Variants in PKHD1L1 observed in about 807,000 individuals in gnomAD.
PKHD1L1 encodes the protein PKHD1 like 1.
In PKHD1L1, 434 loss-of-function variants were observed where a neutral mutation model predicts 462.9. That is an observed-to-expected ratio of 0.94 (90% CI 0.87 to 1.02). The LOEUF is 1.02. PKHD1L1 is among the 50% of genes least tolerant of loss of function. The pLI is 0.00. For synonymous variants in PKHD1L1, 1,781 were observed against 1,750.0 expected, an observed-to-expected ratio of 1.02 and a Z score of -0.44; for missense variants, 5,202 against 5,096.1, an observed-to-expected ratio of 1.02 and a Z score of -0.63.
In PKHD1L1 at chr8:109,438,431, T is replaced by C; in HGVS notation, c.3735T>C (p.Phe1245=). 1 of 1,541,432 alleles carries C rather than the reference T, an allele frequency of 6.5e-7. No homozygotes were observed. Among genetic ancestry groups the C allele is most frequent in the Non-Finnish European group, 8.8e-7 (1 of 1,141,460 alleles). ...NCLQTPIITD[F]SPKVRTILGE... ...TACAGACACCAATTATAACTGATTT[T>C]AGTCCAAAAGTACGAACAATACTAG... The change falls in exon 31 of 78, where the codon TTT becomes TTC. Residue 1245 remains phenylalanine, a synonymous_variant. Transcript: ENST00000378402.
rs1220855768 is a variant in PKHD1L1 at position 109,515,232 on chromosome 8, A to G, written c.11616A>G (p.Leu3872=). ...GTTTGGATGTCTATGTGAACAACTT[A>G]TTGGTCTGTCCAAAAACTACAATAT... ...LQRLDVYVNN[L]LVCPKTTIWN... Residue 3872 remains leucine (L), a synonymous_variant, in exon 72 of 78, where the codon TTA becomes TTG. Coordinates refer to ENST00000378402, the MANE Select transcript of PKHD1L1 (RefSeq NM_177531.6). 8 of 1,603,984 alleles carry G rather than the reference A, an allele frequency of 5.0e-6. No homozygotes were observed. The highest frequency in any genetic ancestry group is 2.7e-5 in the African/African-American group (2 of 74,650).
chr8:109,376,680 G>C (rs928627324), intron 2 of PKHD1L1, among the ~76,000 whole-genome samples: 40 of 152,176 alleles, frequency 2.6e-4, no homozygotes, highest in Admixed American at 6.5e-5. Context: ...CAAATAATAA[G>C]AGCAGGTGTC....
intron 23 of PKHD1L1, among the ~76,000 whole-genome samples, chr8:109,421,453 A>C (rs1455730190): frequency 6.6e-6 from 1 of 152,096 alleles, no homozygotes; most frequent in Non-Finnish European, 1.5e-5. Context: ...CATCTTACAA[A>C]TGCTTTTCAG....
chr8:109,461,900 T>C lies in PKHD1L1; in HGVS notation c.7375T>C (p.Tyr2459His), dbSNP rs754519035. ...TAACATGGTAACTGGGAGAATAGAATATGTAGAGGTGAGAGGCATTATTAC... is the reference window on the plus strand; with the variant it reads ...TAACATGGTAACTGGGAGAATAGAACATGTAGAGGTGAGAGGCATTATTAC... Reference protein sequence around the residue: ...GANMVTGRIEYVEVFHAGQAF... With the variant: ...GANMVTGRIEHVEVFHAGQAF... Residue 2459 changes from tyrosine to histidine, a missense_variant, in exon 48 of 78, where the codon TAT (tyrosine) becomes CAT (histidine). This residue lies in a region of PKHD1L1 where 4,497 missense variants were observed against 4,336.8 expected (regional missense o/e 1.04). Coordinates refer to ENST00000378402, the MANE Select transcript of PKHD1L1 (RefSeq NM_177531.6). The C allele has an allele frequency of 6.3e-7, 1 of 1,599,294 alleles. No homozygotes were observed. The highest frequency in any genetic ancestry group is 1.1e-5 in the South Asian group (1 of 88,230).
chr8:109,504,140 G>A (rs1819573064), intron 67 of PKHD1L1, among the ~76,000 whole-genome samples, 187 bp from the exon 68 acceptor site: 1 of 152,202 alleles, frequency 6.6e-6, no homozygotes, highest in African/African-American at 2.4e-5. Flanking sequence ...TCATTACCCA[G>A]TGATATGGAT....
intron 63 of PKHD1L1, among the ~76,000 whole-genome samples, chr8:109,494,734 A>G (rs1275737782): frequency 6.6e-6 from 1 of 152,006 alleles, no homozygotes; most frequent in African/African-American, 2.4e-5. Flanking sequence ...ACATAAGGAA[A>G]GTATAAAAAT....
rs140815423 is a variant in PKHD1L1 at position 109,376,921 on chromosome 8, T to A, written c.164-4449T>A. On this transcript the variant is annotated intron_variant, in intron 2 of 77. Transcript: ENST00000378402. ...GGTCCAAAGCCTGGGCCTTTTCAAT[T>A]AAACATCACTGGCACCTGCCACGTA... Among the ~76,000 whole-genome samples the A allele has an allele frequency of 6.4e-3, 967 of 152,274 alleles. 7 individuals carry two copies. The highest frequency in any genetic ancestry group is 0.051 in the Middle Eastern group (15 of 294).
At chr8:109,439,747 T>C (rs1039234428) in intron 32 of PKHD1L1, among the ~76,000 whole-genome samples, 47 of 152,196 alleles carry the variant, frequency 3.1e-4, no homozygotes, top group African/African-American at 1.1e-3. Context: ...AAATGTTAGT[T>C]CTAGTATGAG....
At chr8:109,380,257 T>C (rs1292757834) in intron 2 of PKHD1L1, among the ~76,000 whole-genome samples, 1 of 152,178 alleles carries the variant, frequency 6.6e-6, no homozygotes, top group African/African-American at 2.4e-5. Flanking sequence ...AGCTCTCAGC[T>C]GGCTACCACC....
intron 71 of PKHD1L1, among the ~76,000 whole-genome samples, chr8:109,514,346 C>T (rs529207685): frequency 6.6e-6 from 1 of 152,260 alleles, no homozygotes; most frequent in Non-Finnish European, 1.5e-5. Context: ...TAACATGTTT[C>T]CTACTTTACC....
chr8:109,469,538 G>T (rs57608746), intron 50 of PKHD1L1, among the ~76,000 whole-genome samples: 5,870 of 152,210 alleles, frequency 0.039, 239 homozygotes, highest in African/African-American at 0.1. Flanking sequence ...AAGGAGCAGG[G>T]TAGAGAAGGG....
chr8:109,496,985 T>A lies in PKHD1L1; in HGVS notation c.10394T>A (p.Met3465Lys), dbSNP rs757528550. The A allele has an allele frequency of 6.2e-7, 1 of 1,613,440 alleles. No homozygotes were observed. The highest frequency in any genetic ancestry group is 1.7e-5 in the Admixed American group (1 of 60,022). The change falls in exon 64 of 78, where the codon ATG (methionine) becomes AAG (lysine). Residue 3465 changes from methionine to lysine, a missense_variant. By Grantham distance (95) the Met-to-Lys change is moderately conservative. Around this residue, in one of 3 missense-constraint regions of PKHD1L1, gnomAD observed 4,497 missense variants for 4,336.8 expected, o/e 1.04. Coordinates refer to ENST00000378402, the MANE Select transcript of PKHD1L1 (RefSeq NM_177531.6). Reference sequence around the variant, plus strand: ...CATGGAGGTTTATATGGGATCTATATGAACCAAGATGGCCTTCCTGGATGT... The same window carrying A: ...CATGGAGGTTTATATGGGATCTATAAGAACCAAGATGGCCTTCCTGGATGT... ...EAHGGLYGIY[M>K]NQDGLPGCSL...
At chr8:109,428,802 A>G (rs1378446664) in intron 25 of PKHD1L1, among the ~76,000 whole-genome samples, 1 of 152,212 alleles carries the variant, frequency 6.6e-6, no homozygotes, top group Admixed American at 6.5e-5. Flanking sequence ...CCATATTTGC[A>G]GAGGAATTTT....
Position 109,491,857 on chromosome 8 carries a change from T to G in PKHD1L1, c.10115-16T>G. On this transcript the variant is annotated splice_polypyrimidine_tract_variant and intron_variant, in intron 61 of 77. Transcript: ENST00000378402. ...TTTTTTGGGGATTTTCTTTCTTTTT[T>G]TCTTTTTTTAAACAGGCATAAGAAT... is the stretch of plus-strand genomic sequence containing the variant. The G allele has an allele frequency of 6.5e-7, 1 of 1,533,800 alleles. No homozygotes were observed.
At position 109,480,077 on chromosome 8, in the gene PKHD1L1, G is replaced by A. The variant is rs1479306816; in HGVS notation, c.9265G>A (p.Val3089Ile). Residue 3089 changes from valine (V) to isoleucine (I), a missense_variant, in exon 55 of 78, where the codon GTA (valine) becomes ATA (isoleucine). Val to Ile is a conservative substitution (Grantham distance 29). Transcript: ENST00000378402. ...TCTAGAACTGGAAGATAAATACAAT[G>A]TAGGAGCTGCAGAATCTTCTTACAG... ...GVLELEDKYN[V>I]GAAESSYREV... The A allele has an allele frequency of 6.3e-7, 1 of 1,583,856 alleles. No homozygotes were observed. The highest frequency in any genetic ancestry group is 8.6e-7 in the Non-Finnish European group (1 of 1,164,686).
Position 109,536,262 on chromosome 8 carries a change from A to G in PKHD1L1, c.*6172A>G. On this transcript the variant is annotated 3_prime_UTR_variant, in exon 78 of 78. Coordinates refer to ENST00000378402, the MANE Select transcript of PKHD1L1 (RefSeq NM_177531.6). ...CATATGGTATGATATTTAATTTGCA[A>G]AATAAATCCGTAAAGCAGGAATTAC... Among the ~76,000 whole-genome samples, 1 of 152,228 alleles carries G rather than the reference A, an allele frequency of 6.6e-6. No individual in the cohort carries two copies. Among genetic ancestry groups the G allele is most frequent in the East Asian group, 1.9e-4 (1 of 5,200 alleles).
intron 63 of PKHD1L1, among the ~76,000 whole-genome samples, chr8:109,494,122 C>T (rs1432442421): frequency 6.6e-6 from 1 of 151,872 alleles, no homozygotes; most frequent in Non-Finnish European, 1.5e-5. Flanking sequence ...AGAATAAATG[C>T]TCACTATTCA....
chr8:109,390,444 A>G lies in PKHD1L1; in HGVS notation c.698-8A>G. On this transcript the variant is annotated splice_polypyrimidine_tract_variant and splice_region_variant and intron_variant, in intron 8 of 77. Transcript: ENST00000378402. ...TTTAATTGATTGTGTATTTTCATTA[A>G]ATTCCAGGTCATCACAATGTCAGCT... 1 of 1,419,274 alleles carries G rather than the reference A, an allele frequency of 7.0e-7. No individual in the cohort carries two copies. The highest frequency in any genetic ancestry group is 9.5e-7 in the Non-Finnish European group (1 of 1,056,320). 87.9% of individuals were successfully genotyped at this position (1,419,274 alleles called of 1,614,324 possible). A position where few individuals can be genotyped will look rare whatever the true frequency, so the allele number is the denominator to read the frequency against.
intron 21 of PKHD1L1, among the ~76,000 whole-genome samples, chr8:109,415,140 C>G (rs1408741959): frequency 1.3e-5 from 2 of 151,754 alleles, no homozygotes; most frequent in African/African-American, 2.4e-5. Flanking sequence ...GTAGCTGGGA[C>G]TGCAGGTGTG....
Sources: allele counts gnomAD v4.1 joint callset (sites outside exome capture counted in the v4.1 genomes callset), GRCh38; gene constraint gnomAD v4.1.1; regional missense constraint gnomAD v4.1.1; transcripts MANE v1.5; gene names NCBI Gene and HGNC (gene_info 2026-07-23, HGNC 2026-07-21).